SPTBN5: variants seen among roughly 807,000 people sequenced by gnomAD.
SPTBN5 encodes the protein spectrin beta, non-erythrocytic 5.
In SPTBN5, 513 loss-of-function variants were observed where a neutral mutation model predicts 477.6. That is an observed-to-expected ratio of 1.07 (90% CI 1.00 to 1.16). The LOEUF is 1.16. SPTBN5 is among the 50% of genes most tolerant of loss of function. The pLI is 0.00. For synonymous variants in SPTBN5, 2,169 were observed against 2,011.7 expected (o/e 1.08, Z -2.09); for missense variants, 5,062 against 4,731.8 (o/e 1.07, Z -2.05).
chr15:41,858,871 C>A lies in SPTBN5; in HGVS notation c.8079+19G>T. Reference sequence around the variant, plus strand: ...CTCCTTCCCCACCATGACCGCCTCCCTCTCCAAGCGAGGCGAACCTCCTGG... The same window carrying A: ...CTCCTTCCCCACCATGACCGCCTCCATCTCCAAGCGAGGCGAACCTCCTGG... On this transcript the variant is annotated intron_variant, in intron 48 of 67. Coordinates refer to ENST00000320955, the MANE Select transcript of SPTBN5 (RefSeq NM_016642.4). 1 of 1,564,846 alleles carries A rather than the reference C, an allele frequency of 6.4e-7. No homozygotes were observed. Among genetic ancestry groups the A allele is most frequent in the East Asian group, 2.3e-5 (1 of 43,824 alleles).
intron 25 of SPTBN5, 53 bp from the exon 26 acceptor site, chr15:41,873,661 C>T: frequency 6.7e-7 from 1 of 1,500,748 alleles, no homozygotes; most frequent in Non-Finnish European, 9.0e-7. Flanking sequence ...GACCCTCCGT[C>T]AGCCCTGGAG....
Position 41,852,904 on chromosome 15 carries a change from G to GC in SPTBN5, c.10266dup (p.Gln3423AlafsTer11), listed in dbSNP as rs759398233. 5.0e-6 allele frequency: 8 copies of GC among 1,606,152 alleles called. No individual in the cohort carries two copies. The highest frequency in any genetic ancestry group is 6.8e-6 in the Non-Finnish European group (8 of 1,176,254). On this transcript the variant is annotated frameshift_variant, in exon 60 of 68. Transcript: ENST00000320955. LOFTEE classifies it high-confidence loss of function. ...TGCTCCAGCCTCTGCCGAAGCTTCT[G>GC]CAGGCCCCAGCTCTCGGCACAGCGT...
At chr15:41,849,134 T>G (rs1352358422) in intron 67 of SPTBN5, among the ~76,000 whole-genome samples, 88 of 152,282 alleles carry the variant, frequency 5.8e-4, no homozygotes, top group Middle Eastern at 6.8e-3. Flanking sequence ...GATTTGCCTG[T>G]CTCCAGTCCC....
rs760555874 is a variant in SPTBN5 at position 41,868,445 on chromosome 15, G to A, written c.6010C>T (p.Gln2004Ter). The A allele has an allele frequency of 6.8e-6, 11 of 1,609,674 alleles. No individual in the cohort carries two copies. The highest frequency in any genetic ancestry group is 3.3e-5 in the South Asian group (3 of 90,940). Reference protein sequence around the residue: ...AREKLWQQATQLGQQALLAAG... With the variant: ...AREKLWQQAT ...GCAAGAAGTGCCTGCTGCCCCAGCT[G>A]GGTGGCCTGCTGCCACAGCTTCTCC... Residue 2004 changes from glutamine to a stop codon, truncating the protein, a stop_gained, in exon 33 of 68, where the codon CAG becomes TAG. Coordinates refer to ENST00000320955, the MANE Select transcript of SPTBN5 (RefSeq NM_016642.4). LOFTEE classifies it high-confidence loss of function.
chr15:41,886,494 G>C, intron 6 of SPTBN5, 128 bp from the exon 7 acceptor site: 1 of 1,080,362 alleles, frequency 9.3e-7, no homozygotes, highest in Non-Finnish European at 1.3e-6. Context: ...CTTTGAAGTG[G>C]TGGTACCCCC....
rs1252598609 is a variant in SPTBN5, at chr15:41,862,188, G to A, written c.7490C>T (p.Pro2497Leu). ...QRLRAQMDTS[P>L]APRSPVEARR... ...GGCTTCCACAGGGCTGCGAGGAGCG[G>A]GGCTCGTGTCCATCTGAGCCCGCAG... The change falls in exon 44 of 68, where the codon CCC becomes CTC. Residue 2497 changes from proline to leucine, a missense_variant. Coordinates refer to ENST00000320955, the MANE Select transcript of SPTBN5 (RefSeq NM_016642.4). 1.2e-6 allele frequency: 2 copies of A among 1,609,632 alleles called. No individual in the cohort carries two copies. The highest frequency in any genetic ancestry group is 1.3e-5 in the African/African-American group (1 of 75,024).
At chr15:41,869,723 C>T (rs1007342788) in intron 32 of SPTBN5, 118 bp downstream of exon 32, 3 of 1,135,496 alleles carry the variant, frequency 2.6e-6, no homozygotes, top group Non-Finnish European at 3.5e-6. Flanking sequence ...CGTGCTCTCC[C>T]ACCCAAGTCC....
Position 41,865,831 on chromosome 15 carries a change from CGCGGA to C in SPTBN5, c.6890_6894del (p.Leu2297ArgfsTer13). 6.4e-7 allele frequency: 1 copy of C among 1,568,916 alleles called. No individual in the cohort carries two copies. Among genetic ancestry groups the C allele is most frequent in the Non-Finnish European group, 8.6e-7 (1 of 1,157,384 alleles). On this transcript the variant is annotated frameshift_variant, in exon 39 of 68. Transcript: ENST00000320955. LOFTEE classifies it high-confidence loss of function. ...ACCCCGGCCGAGTTTCCTCGGAACT[CGCGGA>C]GCCGCCGTCGGAGCTGCAGGCAGTG...
intron 10 of SPTBN5, 50 bp from the exon 11 acceptor site, chr15:41,882,519 G>A: frequency 6.3e-7 from 1 of 1,575,156 alleles, no homozygotes; most frequent in Non-Finnish European, 8.6e-7. Flanking sequence ...CAGGGGAGGG[G>A]GCCGGGGGCC....
chr15:41,887,898 AG>A, intron 5 of SPTBN5, 29 bp downstream of exon 5: 1 of 1,574,692 alleles, frequency 6.4e-7, no homozygotes. Context: ...CTCAGTGGGC[AG>A]AGGCCTCCTG....
Position 41,852,739 on chromosome 15 carries a change from G to A in SPTBN5, c.10348-4C>T. ...ACTCCACATCTGACACTGAGTGCTGGGGAGAAGCATGTTCAGGTGACGCCC... is the reference window on the plus strand; with the variant it reads ...ACTCCACATCTGACACTGAGTGCTGAGGAGAAGCATGTTCAGGTGACGCCC... On this transcript the variant is annotated splice_polypyrimidine_tract_variant and splice_region_variant and intron_variant, in intron 60 of 67. Coordinates refer to ENST00000320955, the MANE Select transcript of SPTBN5 (RefSeq NM_016642.4). The A allele has an allele frequency of 6.2e-7, 1 of 1,611,450 alleles. No homozygotes were observed.
rs945283272 is a variant in SPTBN5 at position 41,871,276 on chromosome 15, T to G, written c.5447+99A>C. The G allele has an allele frequency of 6.2e-6, 8 of 1,283,076 alleles. No individual in the cohort carries two copies. In the African/African-American group the frequency reaches 1.2e-4, roughly 20 times the overall value. The allele number at this position is 1,283,076 out of a possible 1,614,324, so 79.5% of individuals were successfully genotyped here. On this transcript the variant is annotated intron_variant, in intron 29 of 67. Coordinates refer to ENST00000320955, the MANE Select transcript of SPTBN5 (RefSeq NM_016642.4). ...GCCCCGTGGGCAGCCAGGGCCAGTG[T>G]GGCCCTCACAGCATGCCATCCTCTC...
At chr15:41,877,949 G>A (rs1737231960) in intron 17 of SPTBN5, among the ~76,000 whole-genome samples, 1 of 152,118 alleles carries the variant, frequency 6.6e-6, no homozygotes, top group African/African-American at 2.4e-5. Flanking sequence ...AAGGAGGTGG[G>A]GATCTCAGAC....
intron 3 of SPTBN5, among the ~76,000 whole-genome samples, chr15:41,892,164 G>GAT (rs1367207490): frequency 6.6e-6 from 1 of 152,154 alleles, no homozygotes; most frequent in Admixed American, 6.5e-5. Flanking sequence ...TCCACTCCAG[G>GAT]ATATAGTGAT....
chr15:41,855,372 C>CGCA lies in SPTBN5; in HGVS notation c.9272_9274dup (p.Leu3091dup). On this transcript the variant is annotated inframe_insertion, in exon 55 of 68. Coordinates refer to ENST00000320955, the MANE Select transcript of SPTBN5 (RefSeq NM_016642.4). ...GCCGTGCCCCCTGGCCTCCGCCCTC[C>CGCA]GCAGCAGCTCTGCGTGGGCCTCCCG... The CGCA allele has an allele frequency of 6.2e-7, 1 of 1,605,162 alleles. No individual in the cohort carries two copies. The highest frequency in any genetic ancestry group is 8.5e-7 in the Non-Finnish European group (1 of 1,179,560).
intron 45 of SPTBN5, 63 bp from the exon 46 acceptor site, chr15:41,861,559 A>G: frequency 1.3e-6 from 2 of 1,562,488 alleles, no homozygotes; most frequent in Non-Finnish European, 1.8e-6. Context: ...AGTTGGAGTG[A>G]CTGTTCCAGT....
At chr15:41,880,009 A>G in intron 14 of SPTBN5, 145 bp from the exon 15 acceptor site, 1 of 1,414,782 alleles carries the variant, frequency 7.1e-7, no homozygotes, top group Non-Finnish European at 9.5e-7. Context: ...CCGAGTCCTT[A>G]AGGGCCAGGA....
Position 41,872,419 on chromosome 15 carries a change from T to G in SPTBN5, c.5048A>C (p.Glu1683Ala). The G allele has an allele frequency of 6.3e-7, 1 of 1,583,304 alleles. No homozygotes were observed. Among genetic ancestry groups the G allele is most frequent in the Non-Finnish European group, 8.6e-7 (1 of 1,165,270 alleles). ...EELAIYWSSMEELDQTAQTLT... is the reference protein window; with the variant it reads ...EELAIYWSSMAELDQTAQTLT... ...GGTTTGGGCCGTCTGGTCAAGCTCCTCCATGGAGCTCCAGTAAATGGCTAG... is the reference window on the plus strand; with the variant it reads ...GGTTTGGGCCGTCTGGTCAAGCTCCGCCATGGAGCTCCAGTAAATGGCTAG... The change falls in exon 27 of 68, where the codon GAG (glutamate) becomes GCG (alanine). Residue 1683 changes from glutamate (E) to alanine (A), a missense_variant. Coordinates refer to ENST00000320955, the MANE Select transcript of SPTBN5 (RefSeq NM_016642.4).
At chr15:41,850,778 A>G (rs1284608254) in intron 66 of SPTBN5, 76 bp downstream of exon 66, 4 of 1,315,154 alleles carry the variant, frequency 3.0e-6, no homozygotes, top group South Asian at 1.4e-5. Flanking sequence ...CCTAGGATGC[A>G]TAAAACACTA....
Sources: allele counts gnomAD v4.1 joint callset (sites outside exome capture counted in the v4.1 genomes callset), GRCh38; gene constraint gnomAD v4.1.1; transcripts MANE v1.5; gene names NCBI Gene and HGNC (gene_info 2026-07-23, HGNC 2026-07-21).